PCDHGA8: variants seen among roughly 807,000 people sequenced by gnomAD.
PCDHGA8 encodes the protein protocadherin gamma subfamily A, 8.
Under a neutral mutation model 59.2 loss-of-function variants are expected in PCDHGA8, and 45 were observed. The ratio of observed to expected loss-of-function variants is 0.76; its 90% CI spans 0.60 to 0.98. PCDHGA8 has a LOEUF of 0.98. Ranked by LOEUF, PCDHGA8 falls within the 50% of genes least tolerant of loss-of-function variation. The probability of loss-of-function intolerance (pLI) is 0.00; values close to 1 mark genes in which losing one functional copy is unlikely to be tolerated. For missense variants in PCDHGA8, 1,257 were observed against 1,196.2 expected (o/e 1.05, Z -0.75); for synonymous variants, 531 against 519.0 (o/e 1.02, Z -0.32).
chr5:141,497,323 G>A lies in PCDHGA8; in HGVS notation c.2483+2458G>A, dbSNP rs373068300. Reference sequence around the variant, plus strand: ...CAGGCCATACACTGGCTTTGAAGCAGAATTCACCATTGAACCTGGAAGCCC... The same window carrying A: ...CAGGCCATACACTGGCTTTGAAGCAAAATTCACCATTGAACCTGGAAGCCC... On this transcript the variant is annotated intron_variant, in intron 2 of 3. Transcript: ENST00000398604. 1.2e-4 allele frequency among the ~76,000 whole-genome samples: 19 copies of A among 152,204 alleles called. No homozygotes were observed. In the East Asian group the frequency reaches 3.5e-3, roughly 28 times the overall value.
At chr5:141,413,092 T>C in intron 1 of PCDHGA8, 1 of 1,429,614 alleles carries the variant, frequency 7.0e-7, no homozygotes, top group Non-Finnish European at 9.4e-7. Context: ...AGAGACACCC[T>C]GAAGCCACAG....
chr5:141,478,612 G>A (rs1311028260), intron 1 of PCDHGA8: 2 of 1,558,218 alleles, frequency 1.3e-6, no homozygotes, highest in African/African-American at 1.4e-5. Flanking sequence ...TATTGAGGAA[G>A]GAATGGAGCT....
In PCDHGA8 at chr5:141,490,007, C is replaced by T. The variant is rs766407642; in HGVS notation, c.2425-4800C>T. On this transcript the variant is annotated intron_variant, in intron 1 of 3. Coordinates refer to ENST00000398604, the MANE Select transcript of PCDHGA8 (RefSeq NM_032088.2). The surrounding 1 kb of genome is among the most constrained non-coding windows in gnomAD (Gnocchi z 5.4). ...CGTGTGGGAATCCCAGAGAATGCACCCATTGGTACTCTGCTGCTCCGCCTC... is the reference window on the plus strand; with the variant it reads ...CGTGTGGGAATCCCAGAGAATGCACTCATTGGTACTCTGCTGCTCCGCCTC... 6.2e-7 allele frequency: 1 copy of T among 1,614,200 alleles called. No homozygotes were observed. The highest frequency in any genetic ancestry group is 8.5e-7 in the Non-Finnish European group (1 of 1,180,016).
At chr5:141,442,682 T>C (rs1591733469) in intron 1 of PCDHGA8, among the ~76,000 whole-genome samples, 1 of 152,218 alleles carries the variant, frequency 6.6e-6, no homozygotes, top group East Asian at 1.9e-4. Context: ...TGAGGGACAG[T>C]AGTCAGGCAG....
intron 1 of PCDHGA8, among the ~76,000 whole-genome samples, chr5:141,484,764 A>G (rs1469048336): frequency 6.6e-6 from 1 of 151,806 alleles, no homozygotes; most frequent in African/African-American, 2.4e-5. Flanking sequence ...ATATATATAT[A>G]TGTTGTCTGC....
In PCDHGA8 at chr5:141,394,604, C is replaced by G; in HGVS notation, c.1791C>G (p.Asp597Glu). The change falls in exon 1 of 4, where the codon GAC becomes GAG. Residue 597 changes from aspartate (D) to glutamate (E), a missense_variant. Physicochemically the swap from Asp to Glu is conservative, Grantham distance 45 (BLOSUM62 2). Coordinates refer to ENST00000398604, the MANE Select transcript of PCDHGA8 (RefSeq NM_032088.2). ...LVTKVVAVDR[D>E]SGQNAWLSYR... Reference sequence around the variant, plus strand: ...CCAAGGTGGTGGCGGTGGACAGAGACTCGGGCCAGAACGCCTGGCTGTCCT... The same window carrying G: ...CCAAGGTGGTGGCGGTGGACAGAGAGTCGGGCCAGAACGCCTGGCTGTCCT... 1 of 1,613,590 alleles carries G rather than the reference C, an allele frequency of 6.2e-7. No individual in the cohort carries two copies.
intron 1 of PCDHGA8, chr5:141,423,007 G>C (rs772337723): frequency 1.9e-6 from 3 of 1,614,242 alleles, no homozygotes; most frequent in Non-Finnish European, 2.5e-6. Flanking sequence ...CAAGGTGGTT[G>C]CGGTGGACAA....
At chr5:141,427,992 T>C in intron 1 of PCDHGA8, 1 of 1,599,002 alleles carries the variant, frequency 6.3e-7, no homozygotes, top group Non-Finnish European at 8.6e-7. Context: ...GCCCGATGGC[T>C]CCGCACTCTT....
intron 1 of PCDHGA8, among the ~76,000 whole-genome samples, chr5:141,450,162 A>T (rs2098671900): frequency 6.6e-6 from 1 of 151,624 alleles, no homozygotes; most frequent in Admixed American, 6.6e-5. Flanking sequence ...ATGTGCCACC[A>T]CACTCCCACC....
chr5:141,481,026 C>T (rs1315533254), intron 1 of PCDHGA8, among the ~76,000 whole-genome samples: 1 of 152,100 alleles, frequency 6.6e-6, no homozygotes, highest in African/African-American at 2.4e-5. Flanking sequence ...CCACTGCACT[C>T]CAGCCTGGGC....
intron 1 of PCDHGA8, chr5:141,440,359 G>T (rs932656332): frequency 5.3e-5 from 8 of 152,106 alleles, no homozygotes; most frequent in Non-Finnish European, 1.2e-4. Context: ...CTAGCTACTC[G>T]GGGGGCCGAG....
At chr5:141,397,255 T>C (rs1471539186) in intron 1 of PCDHGA8, among the ~76,000 whole-genome samples, 2 of 152,214 alleles carry the variant, frequency 1.3e-5, no homozygotes, top group Admixed American at 6.5e-5. Flanking sequence ...GGGTATATCA[T>C]TTCTTAGCTA....
At chr5:141,424,784 C>T (rs1351935601) in intron 1 of PCDHGA8, 2 of 152,062 alleles carry the variant, frequency 1.3e-5, no homozygotes, top group Non-Finnish European at 2.9e-5. Context: ...ACATTCAGTT[C>T]TTTTATTCAG....
chr5:141,400,713 T>G (rs1225008709), intron 1 of PCDHGA8: 1 of 686,914 alleles, frequency 1.5e-6, no homozygotes, highest in Admixed American at 3.0e-5. Flanking sequence ...GAAGTAGCCT[T>G]ATAGATTTAC....
intron 1 of PCDHGA8, among the ~76,000 whole-genome samples, chr5:141,472,213 C>T (rs1294676431): frequency 2.0e-5 from 3 of 152,178 alleles, no homozygotes; most frequent in African/African-American, 7.2e-5. Flanking sequence ...TAAGACCTTA[C>T]TCTCGATCAT....
At chr5:141,430,818 T>G (rs1240970813) in intron 1 of PCDHGA8, 2 of 1,540,582 alleles carry the variant, frequency 1.3e-6, no homozygotes, top group Non-Finnish European at 1.7e-6. Flanking sequence ...GGAATCCTCC[T>G]GGGGACTCTG....
intron 1 of PCDHGA8, chr5:141,421,280 G>A (rs564480755): frequency 1.2e-6 from 2 of 1,612,948 alleles, no homozygotes; most frequent in South Asian, 2.2e-5. Context: ...CTGCTGCTGT[G>A]CATTTTCCTG....
intron 1 of PCDHGA8, chr5:141,442,367 T>C (rs1304138950): frequency 6.6e-6 from 1 of 152,282 alleles, no homozygotes; most frequent in Non-Finnish European, 1.5e-5. Flanking sequence ...TATGATGCCA[T>C]ATTCCTACCA....
chr5:141,394,175 T>A lies in PCDHGA8; in HGVS notation c.1362T>A (p.His454Gln). ...DINDNPPTFP[H>Q]ASYSAYILEN... is the part of the protein sequence containing the mutation. Reference sequence around the variant, plus strand: ...ACGACAACCCTCCTACTTTCCCTCATGCCTCCTACTCAGCGTATATCCTAG... The same window carrying A: ...ACGACAACCCTCCTACTTTCCCTCAAGCCTCCTACTCAGCGTATATCCTAG... Residue 454 changes from histidine (H) to glutamine (Q), a missense_variant, in exon 1 of 4, where the codon CAT becomes CAA. Coordinates refer to ENST00000398604, the MANE Select transcript of PCDHGA8 (RefSeq NM_032088.2). 1 of 1,613,944 alleles carries A rather than the reference T, an allele frequency of 6.2e-7. No individual in the cohort carries two copies. Among genetic ancestry groups the A allele is most frequent in the South Asian group, 1.1e-5 (1 of 91,074 alleles).
Sources: gnomAD v4.1 joint callset for allele counts (sites outside exome capture counted in the v4.1 genomes callset) on GRCh38, gnomAD v4.1.1 for gene constraint, Gnocchi (gnomAD v3.1) non-coding constraint, MANE v1.5 for transcripts, NCBI Gene and HGNC (gene_info 2026-07-23, HGNC 2026-07-21) for gene names.